RBFOX3: variants seen among roughly 807,000 people sequenced by gnomAD.
RBFOX3 encodes the protein RNA binding fox-1 homolog 3.
Under a neutral mutation model 48.7 loss-of-function variants are expected in RBFOX3, and 17 were observed. The ratio of observed to expected loss-of-function variants is 0.35; its 90% CI spans 0.24 to 0.52. The LOEUF is 0.52. RBFOX3 is among the 20% of genes least tolerant of loss of function. The probability of loss-of-function intolerance (pLI) is 0.94; values close to 1 mark genes in which losing one functional copy is unlikely to be tolerated. For synonymous variants in RBFOX3, 212 were observed against 209.5 expected, an observed-to-expected ratio of 1.01 and a Z score of -0.10; for missense variants, 382 against 497.5, an observed-to-expected ratio of 0.77 and a Z score of 2.21.
At chr17:79,404,018 T>G (rs1050048368) in intron 2 of RBFOX3, among the ~76,000 whole-genome samples, 2 of 152,172 alleles carry the variant, frequency 1.3e-5, no homozygotes, top group African/African-American at 4.8e-5. Flanking sequence ...GACCTCGTGA[T>G]GCACCCATCT....
At chr17:79,389,505 G>C (rs2061047716) in intron 2 of RBFOX3, among the ~76,000 whole-genome samples, 1 of 152,222 alleles carries the variant, frequency 6.6e-6, no homozygotes, top group African/African-American at 2.4e-5. Context: ...ATTGACAAAT[G>C]CTACACATCA....
intron 1 of RBFOX3, among the ~76,000 whole-genome samples, chr17:79,517,564 C>T (rs1305974675): frequency 0.026 from 1 of 38 alleles, no homozygotes; most frequent in African/African-American, 0.1. Context: ...GGCCCCCATT[C>T]CTATGGCTGA....
intron 3 of RBFOX3, among the ~76,000 whole-genome samples, chr17:79,291,222 G>A (rs2073195669): frequency 6.6e-6 from 1 of 152,232 alleles, no homozygotes; most frequent in African/African-American, 2.4e-5. Context: ...GATGGCCAGG[G>A]CATTAAACCA....
At chr17:79,517,697 A>G (rs1232400038) in intron 1 of RBFOX3, among the ~76,000 whole-genome samples, 1 of 152,126 alleles carries the variant, frequency 6.6e-6, no homozygotes, top group African/African-American at 2.4e-5. Flanking sequence ...AGCTTCAAAG[A>G]GGGAAGGCCA....
At chr17:79,346,013 C>T (rs36047068) in intron 2 of RBFOX3, among the ~76,000 whole-genome samples, 19,902 of 152,090 alleles carry the variant, frequency 0.13, 1,848 homozygotes, top group Non-Finnish European at 0.2. Flanking sequence ...CTGCACCTCC[C>T]GGGTTCAAGC....
the RBFOX3 span, among the ~76,000 whole-genome samples, chr17:79,647,084 T>TGA: frequency 4.7e-5 from 7 of 148,618 alleles, no homozygotes; most frequent in East Asian, 1.4e-3. Flanking sequence ...TGTGTGTGTG[T>TGA]GATCTCCTTG....
chr17:79,599,184 T>C (rs2093642917), intron 1 of RBFOX3: 1 of 151,990 alleles, frequency 6.6e-6, no homozygotes, highest in Non-Finnish European at 1.5e-5. Flanking sequence ...GGGAAGAGGG[T>C]CAGGCTACCC....
chr17:79,476,866 T>G (rs2077848964), intron 2 of RBFOX3, among the ~76,000 whole-genome samples: 11 of 128,234 alleles, frequency 8.6e-5, no homozygotes, highest in African/African-American at 1.5e-4. Flanking sequence ...GGAGGGGGAA[T>G]GAGAAAGGAA....
chr17:79,624,081 C>T, the RBFOX3 span, among the ~76,000 whole-genome samples: 274 of 152,268 alleles, frequency 1.8e-3, 2 homozygotes, highest in Middle Eastern at 0.014. Context: ...AGGCCAGTGT[C>T]GGACTTCTGA....
Position 79,439,447 on chromosome 17 carries a change from C to G in RBFOX3, c.-175+43007G>C, listed in dbSNP as rs1295661353. On this transcript the variant is annotated intron_variant, in intron 2 of 14. Coordinates refer to ENST00000693108, the MANE Select transcript of RBFOX3 (RefSeq NM_001350451.2). ...TGTCCCGTAACCTCCCCTAAAGGCT[C>G]CATCCAAACAGCAGTGACCATGACT... 2.6e-5 allele frequency among the ~76,000 whole-genome samples: 4 copies of G among 152,364 alleles called. 1 individual carries two copies. Among genetic ancestry groups the G allele is most frequent in the Admixed American group, 2.0e-4 (3 of 15,308 alleles).
At chr17:79,181,323 A>C (rs567035921) in intron 4 of RBFOX3, among the ~76,000 whole-genome samples, 72 of 152,344 alleles carry the variant, frequency 4.7e-4, no homozygotes, top group Non-Finnish European at 9.0e-4. Flanking sequence ...GGGTGGCTGT[A>C]CAGCAGATCT....
chr17:79,495,274 C>T (rs1315831204), intron 1 of RBFOX3, among the ~76,000 whole-genome samples: 16 of 64,274 alleles, frequency 2.5e-4, no homozygotes, highest in Non-Finnish European at 3.1e-4. Flanking sequence ...AAGGGAGGGA[C>T]GGCTGGCACG....
the RBFOX3 span, among the ~76,000 whole-genome samples, chr17:79,642,574 C>G: frequency 6.6e-6 from 1 of 152,160 alleles, no homozygotes; most frequent in East Asian, 1.9e-4. Flanking sequence ...AATGATCTCT[C>G]TCACTTCACT....
chr17:79,483,401 T>C (rs1352882716), intron 1 of RBFOX3, among the ~76,000 whole-genome samples: 3 of 150,684 alleles, frequency 2.0e-5, no homozygotes, highest in Non-Finnish European at 4.4e-5. Context: ...CCTTTGCAGG[T>C]CTACTGCATG....
intron 4 of RBFOX3, among the ~76,000 whole-genome samples, chr17:79,232,093 C>T (rs977984290): frequency 2.0e-5 from 3 of 152,140 alleles, no homozygotes; most frequent in Admixed American, 6.6e-5. Context: ...CCCATTATCA[C>T]GAGAACAGCA....
At chr17:79,455,443 C>T (rs1807223212) in intron 2 of RBFOX3, among the ~76,000 whole-genome samples, 1 of 152,122 alleles carries the variant, frequency 6.6e-6, no homozygotes, top group Non-Finnish European at 1.5e-5. Context: ...AGGAGAGTGG[C>T]CATCTGGGTC....
At chr17:79,368,626 G>A (rs1478944986) in intron 2 of RBFOX3, among the ~76,000 whole-genome samples, 3 of 152,276 alleles carry the variant, frequency 2.0e-5, no homozygotes, top group Admixed American at 6.5e-5. Flanking sequence ...GTTACCATCC[G>A]AGAAGGTGCT....
At chr17:79,499,157 C>T (rs1555776194) in intron 1 of RBFOX3, among the ~76,000 whole-genome samples, 1 of 150,464 alleles carries the variant, frequency 6.6e-6, no homozygotes, top group East Asian at 2.0e-4. Flanking sequence ...CTCATCCACC[C>T]ACCCACCCAT....
intron 1 of RBFOX3, among the ~76,000 whole-genome samples, chr17:79,508,286 C>T (rs1210575741): frequency 6.6e-6 from 1 of 152,142 alleles, no homozygotes; most frequent in African/African-American, 2.4e-5. Context: ...AGGGGCCTTC[C>T]GGAGGGAGGC....
Sources: allele counts gnomAD v4.1 joint callset (sites outside exome capture counted in the v4.1 genomes callset), GRCh38; gene constraint gnomAD v4.1.1; transcripts MANE v1.5; gene names NCBI Gene and HGNC (gene_info 2026-07-23, HGNC 2026-07-21).